Variants in FGGY observed in about 807,000 individuals in gnomAD.
FGGY encodes the protein FGGY carbohydrate kinase domain containing, also known as FGGY carbohydrate kinase domain-containing protein.
A neutral mutation model predicts 71.3 loss-of-function variants in FGGY; 72 were observed. The ratio of observed to expected loss-of-function variants is 1.01; its 90% CI spans 0.84 to 1.23. The LOEUF is 1.23. FGGY is among the 50% of genes most tolerant of loss of function. FGGY has a pLI of 0.00. For synonymous variants in FGGY, 251 were observed against 250.3 expected (o/e 1.00, Z -0.02); for missense variants, 668 against 682.3 (o/e 0.98, Z 0.23).
At chr1:59,445,012 C>G (rs1410796999) in intron 5 of FGGY, among the ~76,000 whole-genome samples, 1 of 152,160 alleles carries the variant, frequency 6.6e-6, no homozygotes, top group African/African-American at 2.4e-5. Context: ...ACTTACCCTT[C>G]ATAGTAATTA....
At chr1:59,456,905 T>A in intron 5 of FGGY, 56 bp from the exon 6 acceptor site, 2 of 1,318,944 alleles carry the variant, frequency 1.5e-6, no homozygotes, top group South Asian at 1.2e-5. Flanking sequence ...TTGCAAAATA[T>A]AAAGGAAGCC....
At chr1:59,328,030 G>A (rs2047743845) in intron 2 of FGGY, among the ~76,000 whole-genome samples, 1 of 152,132 alleles carries the variant, frequency 6.6e-6, no homozygotes, top group African/African-American at 2.4e-5. Flanking sequence ...TAATTCTTAA[G>A]GGCCCTAGGA....
intron 5 of FGGY, among the ~76,000 whole-genome samples, chr1:59,427,218 G>C (rs1192480077): frequency 6.6e-6 from 1 of 152,226 alleles, no homozygotes; most frequent in Non-Finnish European, 1.5e-5. Context: ...AGGCACCCAG[G>C]ACGGAGGTGA....
chr1:59,362,046 C>G (rs775047668), intron 4 of FGGY, among the ~76,000 whole-genome samples: 4 of 152,140 alleles, frequency 2.6e-5, no homozygotes, highest in Non-Finnish European at 4.4e-5. Flanking sequence ...CCTCCCTTCT[C>G]GATGCTTTGT....
At chr1:59,603,017 C>T (rs772691250) in intron 8 of FGGY, among the ~76,000 whole-genome samples, 13 of 152,066 alleles carry the variant, frequency 8.5e-5, no homozygotes, top group Non-Finnish European at 1.9e-4. Flanking sequence ...GTTTTTATTA[C>T]TGTTTTTGAA....
At chr1:59,556,667 C>T (rs1049390038) in intron 8 of FGGY, among the ~76,000 whole-genome samples, 1 of 152,202 alleles carries the variant, frequency 6.6e-6, no homozygotes, top group African/African-American at 2.4e-5. Flanking sequence ...CTTAACTTCT[C>T]TAAGCTTCAG....
chr1:59,521,759 C>T (rs918266101), intron 7 of FGGY, among the ~76,000 whole-genome samples: 1 of 152,142 alleles, frequency 6.6e-6, no homozygotes, highest in African/African-American at 2.4e-5. Flanking sequence ...CCAGGGTCCC[C>T]GCCCCATTGT....
intron 13 of FGGY, among the ~76,000 whole-genome samples, chr1:59,667,831 T>C (rs2097339150): frequency 6.6e-6 from 1 of 152,150 alleles, no homozygotes; most frequent in Non-Finnish European, 1.5e-5. Flanking sequence ...TTAAAGATAG[T>C]ATGGCAAAAG....
chr1:59,664,893 C>G (rs2097309934), intron 12 of FGGY, among the ~76,000 whole-genome samples: 1 of 151,790 alleles, frequency 6.6e-6, no homozygotes, highest in Non-Finnish European at 1.5e-5. Flanking sequence ...TTCTGACAAT[C>G]TATAGAATTT....
intron 2 of FGGY, among the ~76,000 whole-genome samples, chr1:59,324,696 G>A (rs1309114934): frequency 6.6e-6 from 1 of 152,194 alleles, no homozygotes; most frequent in African/African-American, 2.4e-5. Flanking sequence ...AGGGGACGCT[G>A]TCCCTGCCAC....
chr1:59,468,151 C>T (rs868501763), intron 6 of FGGY, among the ~76,000 whole-genome samples: 1 of 152,140 alleles, frequency 6.6e-6, no homozygotes. Flanking sequence ...GATCCGCCCC[C>T]CTCAGCCTCC....
chr1:59,592,371 G>A (rs570123442), intron 8 of FGGY, among the ~76,000 whole-genome samples: 4,379 of 151,544 alleles, frequency 0.029, 74 homozygotes, highest in Middle Eastern at 0.08. Flanking sequence ...GTGGAAGTCA[G>A]TGTGGCAATT....
intron 7 of FGGY, among the ~76,000 whole-genome samples, chr1:59,541,979 G>A (rs1311953528): frequency 1.3e-5 from 2 of 152,180 alleles, no homozygotes; most frequent in Non-Finnish European, 2.9e-5. Flanking sequence ...ACTCAAAACA[G>A]CACCTGTCCT....
chr1:59,456,892 A>T, intron 5 of FGGY, 69 bp from the exon 6 acceptor site: 2 of 959,138 alleles, frequency 2.1e-6, no homozygotes, highest in Non-Finnish European at 3.3e-6. Flanking sequence ...CTGGACGGGT[A>T]TTTTGCAAAA....
chr1:59,469,146 C>G (rs1227258637), intron 6 of FGGY, among the ~76,000 whole-genome samples: 1 of 152,200 alleles, frequency 6.6e-6, no homozygotes, highest in Non-Finnish European at 1.5e-5. Context: ...GCAAGCTGCA[C>G]TTGATCAGAT....
chr1:59,368,590 TG>T (rs1365478257), intron 4 of FGGY, among the ~76,000 whole-genome samples: 8 of 152,236 alleles, frequency 5.3e-5, no homozygotes, highest in Admixed American at 5.2e-4. Flanking sequence ...ACGATCACTG[TG>T]TCCTAATGCA....
chr1:59,531,619 T>C (rs2095145996), intron 7 of FGGY, among the ~76,000 whole-genome samples: 1 of 152,200 alleles, frequency 6.6e-6, no homozygotes, highest in Non-Finnish European at 1.5e-5. Context: ...TTTCCACCAT[T>C]TTATAATACA....
chr1:59,751,906 A>T (rs2098248438), intron 14 of FGGY, among the ~76,000 whole-genome samples: 1 of 152,210 alleles, frequency 6.6e-6, no homozygotes, highest in Admixed American at 6.5e-5. Context: ...TAAACTAGTT[A>T]ATACCTATTA....
intron 5 of FGGY, among the ~76,000 whole-genome samples, chr1:59,450,659 A>G (rs1253984962): frequency 6.6e-6 from 1 of 152,030 alleles, no homozygotes; most frequent in East Asian, 1.9e-4. Context: ...TTTAAATAGA[A>G]TTGTCTTTTT....
Sources: allele counts gnomAD v4.1 joint callset (sites outside exome capture counted in the v4.1 genomes callset), GRCh38; gene constraint gnomAD v4.1.1; transcripts MANE v1.5; gene names NCBI Gene and HGNC (gene_info 2026-07-23, HGNC 2026-07-21).